Variants in TTC33 observed in about 807,000 individuals in gnomAD.
The protein encoded by TTC33 is tetratricopeptide repeat domain 33.
A neutral mutation model predicts 29.4 loss-of-function variants in TTC33; 24 were observed. That is an observed-to-expected ratio of 0.82 (90% CI 0.59 to 1.15). The LOEUF (loss-of-function observed/expected upper bound fraction) is 1.15. TTC33 is among the 50% of genes most tolerant of loss of function. The pLI is 0.00. For synonymous variants in TTC33, 107 were observed against 100.3 expected, an observed-to-expected ratio of 1.07 and a Z score of -0.40; for missense variants, 286 against 310.4, an observed-to-expected ratio of 0.92 and a Z score of 0.59.
chr5:40,754,099 A>G (rs1463865021), intron 1 of TTC33, among the ~76,000 whole-genome samples: 1 of 152,184 alleles, frequency 6.6e-6, no homozygotes. Context: ...GGACAAGTAT[A>G]AGTTATGGCC....
intron 4 of TTC33, among the ~76,000 whole-genome samples, chr5:40,720,662 G>A (rs1311287373): frequency 1.3e-5 from 2 of 152,106 alleles, no homozygotes; most frequent in African/African-American, 4.8e-5. Flanking sequence ...CACCAATTCA[G>A]CAACAATTCA....
chr5:40,712,644 GACC>G lies in TTC33; in HGVS notation c.*3498_*3500del, dbSNP rs1318932688. ...AAGGTTCACAATGTAGCTGGCAAGA[GACC>G]ACAACATCGGTTCTCTGCAGTTATG... On this transcript the variant is annotated 3_prime_UTR_variant, in exon 5 of 5. Transcript: ENST00000337702. 1.3e-5 allele frequency among the ~76,000 whole-genome samples: 2 copies of G among 152,190 alleles called. No homozygotes were observed. Among genetic ancestry groups the G allele is most frequent in the East Asian group, 3.8e-4 (2 of 5,204 alleles).
At chr5:40,726,175 GTA>G (rs1001436312) in intron 4 of TTC33, among the ~76,000 whole-genome samples, 1 of 141,536 alleles carries the variant, frequency 7.1e-6, no homozygotes, top group Admixed American at 7.2e-5. Flanking sequence ...ACACACACAC[GTA>G]TATATATATA....
intron 4 of TTC33, among the ~76,000 whole-genome samples, chr5:40,723,123 T>C (rs1742187857): frequency 6.6e-6 from 1 of 152,186 alleles, no homozygotes; most frequent in Non-Finnish European, 1.5e-5. Context: ...GCTGTTAATC[T>C]ATAACCTTAC....
intron 4 of TTC33, among the ~76,000 whole-genome samples, chr5:40,722,137 G>A (rs371168017): frequency 5.3e-5 from 8 of 151,316 alleles, no homozygotes; most frequent in East Asian, 3.9e-4. Flanking sequence ...CCCGGGAGGC[G>A]GAGGTTGCAG....
At chr5:40,755,459 G>T (rs1742967686) in intron 1 of TTC33, among the ~76,000 whole-genome samples, 1 of 152,218 alleles carries the variant, frequency 6.6e-6, no homozygotes, top group Non-Finnish European at 1.5e-5. Flanking sequence ...CGCGTTCACG[G>T]ACCGCCCCGG....
chr5:40,747,386 C>T (rs953828579), intron 1 of TTC33, among the ~76,000 whole-genome samples: 26 of 152,072 alleles, frequency 1.7e-4, no homozygotes, highest in Non-Finnish European at 3.5e-4. Flanking sequence ...GGAAGTATTC[C>T]AACCCATAGG....
intron 2 of TTC33, among the ~76,000 whole-genome samples, chr5:40,734,641 T>G (rs1742506791): frequency 6.6e-6 from 1 of 152,216 alleles, no homozygotes; most frequent in African/African-American, 2.4e-5. Flanking sequence ...CAATTAGACT[T>G]CTAATTTACT....
At chr5:40,724,753 T>C (rs1015721736) in intron 4 of TTC33, among the ~76,000 whole-genome samples, 2 of 152,186 alleles carry the variant, frequency 1.3e-5, no homozygotes, top group African/African-American at 4.8e-5. Context: ...TTATAAAGAC[T>C]ATAATTCAAG....
At chr5:40,753,406 G>C (rs1280643747) in intron 1 of TTC33, among the ~76,000 whole-genome samples, 1 of 150,398 alleles carries the variant, frequency 6.6e-6, no homozygotes, top group Non-Finnish European at 1.5e-5. Flanking sequence ...GAAATATACA[G>C]GCTGATAATA....
chr5:40,731,999 T>C (rs1296366054), intron 2 of TTC33, among the ~76,000 whole-genome samples: 4 of 152,220 alleles, frequency 2.6e-5, no homozygotes, highest in African/African-American at 9.6e-5. Flanking sequence ...TCAAAGTAAG[T>C]GAATATAAAT....
intron 2 of TTC33, among the ~76,000 whole-genome samples, chr5:40,739,681 C>T (rs1742652524): frequency 7.9e-5 from 12 of 152,122 alleles, no homozygotes; most frequent in Admixed American, 7.9e-4. Context: ...GAGCAGATGC[C>T]AACATTATGC....
rs761944905 is a variant in TTC33, at chr5:40,714,393, A to T, written c.*1752T>A. On this transcript the variant is annotated 3_prime_UTR_variant, in exon 5 of 5. Transcript: ENST00000337702. ...CATGCAAGGTACTTTAAATATATTA[A>T]GTTCATATAAGAAAGACACTAAGTA... The T allele has an allele frequency of 6.6e-6, 1 of 152,212 alleles. No homozygotes were observed. Among genetic ancestry groups the T allele is most frequent in the Non-Finnish European group, 1.5e-5 (1 of 68,016 alleles). The allele number at this position is 152,212 out of a possible 1,614,324, so 9.4% of individuals were successfully genotyped here.
At chr5:40,732,606 AACAGATTTTTTTTT>A (rs1742456749) in intron 2 of TTC33, among the ~76,000 whole-genome samples, 1 of 151,898 alleles carries the variant, frequency 6.6e-6, no homozygotes, top group African/African-American at 2.4e-5. Flanking sequence ...GTACTAATAT[AACAGATTTTTTTTT>A]AGACAGTCTT....
At chr5:40,745,503 G>A in intron 2 of TTC33, among the ~76,000 whole-genome samples, 1 of 151,878 alleles carries the variant, frequency 6.6e-6, no homozygotes, top group East Asian at 1.9e-4. Context: ...AGTCTAGATA[G>A]AGGAAATACG....
chr5:40,745,107 G>C lies in TTC33; in HGVS notation c.221+1691C>G, dbSNP rs1272230951. Among the ~76,000 whole-genome samples the C allele has an allele frequency of 2.0e-5, 3 of 152,110 alleles. No individual in the cohort carries two copies. In the East Asian group the frequency reaches 5.8e-4, roughly 29 times the overall value. ...TCTTCCAATAGTCAGTGTCATGGGG[G>C]ATAAAAGTAGAAAACCCAAGGATGC... On this transcript the variant is annotated intron_variant, in intron 2 of 4. Coordinates refer to ENST00000337702, the MANE Select transcript of TTC33 (RefSeq NM_012382.3).
chr5:40,753,568 A>G (rs1445307513), intron 1 of TTC33, among the ~76,000 whole-genome samples: 1 of 152,170 alleles, frequency 6.6e-6, no homozygotes, highest in Non-Finnish European at 1.5e-5. Flanking sequence ...ATGTTTGAAG[A>G]TGACTATGAG....
chr5:40,738,847 T>C (rs1292206131), intron 2 of TTC33, among the ~76,000 whole-genome samples: 1 of 152,150 alleles, frequency 6.6e-6, no homozygotes, highest in East Asian at 1.9e-4. Context: ...ATATATTTTC[T>C]TTTGTGAAGC....
chr5:40,752,158 C>T (rs1047776756), intron 1 of TTC33, among the ~76,000 whole-genome samples: 17 of 152,204 alleles, frequency 1.1e-4, no homozygotes, highest in African/African-American at 3.9e-4. Context: ...CCTCTCTCAG[C>T]ATTCACAGAA....
Sources: gnomAD v4.1 joint callset for allele counts (sites outside exome capture counted in the v4.1 genomes callset) on GRCh38, gnomAD v4.1.1 for gene constraint, MANE v1.5 for transcripts, NCBI Gene and HGNC (gene_info 2026-07-23, HGNC 2026-07-21) for gene names.